The following ASB3 variants were observed in gnomAD, a reference collection of about 807,000 sequenced individuals.
ASB3 encodes ankyrin repeat and SOCS box containing 3, also known as ankyrin repeat and SOCS box protein 3.
ASB3 carries 41 observed loss-of-function variants against 54.5 expected under a neutral mutation model. That is an observed-to-expected ratio of 0.75 (90% CI 0.59 to 0.98). The LOEUF (loss-of-function observed/expected upper bound fraction) is 0.98. ASB3 is among the 50% of genes least tolerant of loss of function. ASB3 has a pLI of 0.00. For missense variants in ASB3, 733 were observed against 620.0 expected (o/e 1.18, Z -1.94); for synonymous variants, 266 against 221.2 (o/e 1.20, Z -1.80).
At chr2:53,737,375 G>C (rs746733788) in intron 3 of ASB3, among the ~76,000 whole-genome samples, 1 of 152,176 alleles carries the variant, frequency 6.6e-6, no homozygotes, top group African/African-American at 2.4e-5. Flanking sequence ...ACAGAGATTA[G>C]AATTTAAGTG....
intron 3 of ASB3, among the ~76,000 whole-genome samples, chr2:53,739,698 T>C (rs1281993053): frequency 6.6e-6 from 1 of 152,136 alleles, no homozygotes; most frequent in Non-Finnish European, 1.5e-5. Context: ...GTTCTTAAGA[T>C]AGGGTCTGGC....
rs1277662508 is a variant in ASB3 at position 53,740,144 on chromosome 2, A to G, written c.356-10574T>C. 2.0e-5 allele frequency among the ~76,000 whole-genome samples: 3 copies of G among 152,248 alleles called. No homozygotes were observed. In the East Asian group the frequency reaches 5.8e-4, roughly 29 times the overall value. ...ATATTCAATTTTACATTTGAATTAT[A>G]TATGAATTTTTAATGGTATCTCTAC... On this transcript the variant is annotated intron_variant, in intron 3 of 9. Transcript: ENST00000263634.
chr2:53,689,322 G>A (rs1668790183), intron 9 of ASB3, among the ~76,000 whole-genome samples: 1 of 152,048 alleles, frequency 6.6e-6, no homozygotes, highest in Non-Finnish European at 1.5e-5. Flanking sequence ...ATTTTTCTTT[G>A]GCATAAAATA....
At chr2:53,736,376 T>C (rs1050776403) in intron 3 of ASB3, among the ~76,000 whole-genome samples, 1 of 152,130 alleles carries the variant, frequency 6.6e-6, no homozygotes, top group African/African-American at 2.4e-5. Flanking sequence ...AACTATCATA[T>C]CCAGGTGGTG....
intron 3 of ASB3, among the ~76,000 whole-genome samples, chr2:53,736,294 C>T (rs1671622974): frequency 6.6e-6 from 1 of 152,174 alleles, no homozygotes; most frequent in Admixed American, 6.5e-5. Flanking sequence ...AGTGAGCACC[C>T]ACAACACCAC....
chr2:53,678,760 C>G (rs1668215917), intron 9 of ASB3, among the ~76,000 whole-genome samples: 1 of 152,226 alleles, frequency 6.6e-6, no homozygotes, highest in African/African-American at 2.4e-5. Flanking sequence ...TCTGCCTCCC[C>G]CTCTTCTCCT....
At chr2:53,768,194 C>T in intron 1 of ASB3, 1 of 746,922 alleles carries the variant, frequency 1.3e-6, no homozygotes, top group Admixed American at 3.0e-5. Context: ...CCATCTCTAA[C>T]CCAGCCCGGG....
At chr2:53,684,704 A>G (rs957202444) in intron 9 of ASB3, among the ~76,000 whole-genome samples, 4 of 152,202 alleles carry the variant, frequency 2.6e-5, no homozygotes, top group African/African-American at 9.7e-5. Context: ...TCAGATGAGG[A>G]GAATGTGAAA....
chr2:53,738,496 C>CA (rs1188831681), intron 3 of ASB3, among the ~76,000 whole-genome samples: 2 of 152,104 alleles, frequency 1.3e-5, no homozygotes, highest in Non-Finnish European at 2.9e-5. Context: ...AGACAAACTT[C>CA]AAGTGTTCAA....
chr2:53,728,947 A>G (rs555105164), intron 4 of ASB3, 100 bp from the exon 5 acceptor site: 11 of 1,358,996 alleles, frequency 8.1e-6, no homozygotes, highest in East Asian at 2.4e-5. Flanking sequence ...TCCTCTCACT[A>G]AAGGATAACT....
At chr2:53,772,335 T>C (rs147983781) in intron 1 of ASB3, among the ~76,000 whole-genome samples, 4,309 of 152,172 alleles carry the variant, frequency 0.028, 61 homozygotes, top group Non-Finnish European at 0.039. Context: ...CCACCATGTC[T>C]GGCTAATTTT....
intron 9 of ASB3, among the ~76,000 whole-genome samples, chr2:53,682,166 A>AC (rs1331228329): frequency 1.3e-5 from 2 of 151,998 alleles, no homozygotes; most frequent in African/African-American, 4.8e-5. Context: ...TCTCAAAAAA[A>AC]AAAAAAAAAA....
intron 9 of ASB3, among the ~76,000 whole-genome samples, chr2:53,686,866 C>T (rs539976553): frequency 5.9e-4 from 90 of 152,172 alleles, no homozygotes; most frequent in African/African-American, 2.0e-3. Context: ...GGATTACAGG[C>T]GCTTGCCACC....
intron 7 of ASB3, among the ~76,000 whole-genome samples, chr2:53,701,241 T>G (rs1669476047): frequency 1.3e-5 from 2 of 152,178 alleles, no homozygotes; most frequent in Non-Finnish European, 2.9e-5. Context: ...TCCCAAAAGG[T>G]ATGCCACCGT....
chr2:53,744,384 C>CA lies in ASB3; in HGVS notation c.355+6398dup, dbSNP rs779225958. 1.7e-4 allele frequency among the ~76,000 whole-genome samples: 24 copies of CA among 139,952 alleles called. 1 individual carries two copies. The highest frequency in any genetic ancestry group is 5.3e-4 in the African/African-American group (19 of 35,532). 91.8% of individuals were successfully genotyped at this position (139,952 alleles called of 152,430 possible). On this transcript the variant is annotated intron_variant, in intron 3 of 9. Transcript: ENST00000263634. ...GGGCAGACAGAGCGAGACTCTGTCT[C>CA]AAAAAAATAAATAAAAAAATTAAAA...
rs560135807 is a variant in ASB3 at position 53,677,255 on chromosome 2, T to C, written c.1370-6565A>G. The stretch of plus-strand genomic sequence containing the variant: ...CCATCTAGTTTATATAAGAATACTT[T>C]ATAATATTTGCACAATGACAAAATC... On this transcript the variant is annotated intron_variant, in intron 9 of 9. Coordinates refer to ENST00000263634, the MANE Select transcript of ASB3 (RefSeq NM_016115.5). 2.0e-5 allele frequency among the ~76,000 whole-genome samples: 3 copies of C among 152,322 alleles called. No individual in the cohort carries two copies. In the East Asian group the frequency reaches 5.8e-4, roughly 29 times the overall value.
chr2:53,701,220 C>T (rs13407905), intron 7 of ASB3, among the ~76,000 whole-genome samples: 4,204 of 152,140 alleles, frequency 0.028, 157 homozygotes, highest in African/African-American at 0.082. Context: ...ATGAATCCTC[C>T]CGCTTTGGTC....
rs1673386375 is a variant in ASB3 at position 53,765,437 on chromosome 2, G to A, written c.136C>T (p.Pro46Ser). The A allele has an allele frequency of 1.2e-6, 2 of 1,614,118 alleles. No individual in the cohort carries two copies. Among genetic ancestry groups the A allele is most frequent in the Non-Finnish European group, 1.7e-6 (2 of 1,180,020 alleles). ...VDVADNRGWM[P>S]IHEAAYHNSV... The stretch of plus-strand genomic sequence containing the variant: ...TTGTGATAAGCTGCTTCATGAATTG[G>A]CATCCATCCCCTGTTATCAGCAACA... Residue 46 changes from proline to serine, a missense_variant, in exon 2 of 10, where the codon CCA becomes TCA. Pro to Ser is a moderately conservative substitution (Grantham distance 74). Transcript: ENST00000263634.
intron 3 of ASB3, chr2:53,748,425 A>T (rs1314452551): frequency 6.6e-6 from 1 of 152,216 alleles, no homozygotes; most frequent in African/African-American, 2.4e-5. Context: ...GAAAAAAGAA[A>T]CTTAATATAA....
Sources: allele counts gnomAD v4.1 joint callset (sites outside exome capture counted in the v4.1 genomes callset), GRCh38; gene constraint gnomAD v4.1.1; transcripts MANE v1.5; gene names NCBI Gene and HGNC (gene_info 2026-07-23, HGNC 2026-07-21).